The following DNAJA2 variants were observed in gnomAD, a reference collection of about 807,000 sequenced individuals.
DNAJA2 encodes the protein dnaJ homolog subfamily A member 2.
Under a neutral mutation model 49.3 loss-of-function variants are expected in DNAJA2, and 6 were observed. That is an observed-to-expected ratio of 0.12 (90% CI 0.07 to 0.24). The LOEUF (loss-of-function observed/expected upper bound fraction) is 0.24. Ranked by LOEUF, DNAJA2 falls within the 10% of genes least tolerant of loss-of-function variation. The pLI is 1.00. For synonymous variants in DNAJA2, 160 were observed against 172.7 expected (o/e 0.93, Z 0.58); for missense variants, 347 against 516.8 (o/e 0.67, Z 3.19).
Position 46,959,113 on chromosome 16 carries a change from G to C in DNAJA2, c.937C>G (p.Arg313Gly). ...VIEPGCVRVVRGEGMPQYRNP... is the reference protein window; with the variant it reads ...VIEPGCVRVVGGEGMPQYRNP... ...CGATACTGCGGCATCCCTTCACCTCGAACTACACGAACACACCCTATTATT... is the reference window on the plus strand; with the variant it reads ...CGATACTGCGGCATCCCTTCACCTCCAACTACACGAACACACCCTATTATT... The change falls in exon 8 of 9, where the codon CGA (arginine) becomes GGA (glycine). Residue 313 changes from arginine (R) to glycine (G), a missense_variant. Arg to Gly is a moderately radical substitution (Grantham distance 125). Transcript: ENST00000317089. 1 of 1,608,810 alleles carries C rather than the reference G, an allele frequency of 6.2e-7. No individual in the cohort carries two copies.
At position 46,958,148 on chromosome 16, in the gene DNAJA2, TA is replaced by T. The variant is rs1358066411; in HGVS notation, c.1047+854del. Among the ~76,000 whole-genome samples the T allele has an allele frequency of 2.0e-5, 3 of 152,058 alleles. No individual in the cohort carries two copies. The East Asian group carries it at 5.8e-4, about 29-fold the overall frequency. Reference sequence around the variant, plus strand: ...AGTCTGGACAACATAGCAACATCTCTATAAAAAGTTTTAAAAAGCATTAGCC... The same window carrying T: ...AGTCTGGACAACATAGCAACATCTCTTAAAAAGTTTTAAAAAGCATTAGCC... On this transcript the variant is annotated intron_variant, in intron 8 of 8. Transcript: ENST00000317089.
At chr16:46,972,761 T>C (rs1380307922) in intron 1 of DNAJA2, 4 of 152,238 alleles carry the variant, frequency 2.6e-5, no homozygotes, top group African/African-American at 7.2e-5. Flanking sequence ...ATGAAAGATA[T>C]CGCAGCATTG....
chr16:46,957,556 T>C (rs967525936), intron 8 of DNAJA2, among the ~76,000 whole-genome samples: 1 of 151,664 alleles, frequency 6.6e-6, no homozygotes, highest in Non-Finnish European at 1.5e-5. Context: ...TAAGCTGAGA[T>C]TGTGCCACTG....
Position 46,973,522 on chromosome 16 carries a change from G to C in DNAJA2, c.51C>G (p.Pro17=), listed in dbSNP as rs143068034. 3 of 1,602,658 alleles carry C rather than the reference G, an allele frequency of 1.9e-6. No homozygotes were observed. The highest frequency in any genetic ancestry group is 2.5e-6 in the Non-Finnish European group (3 of 1,177,540). The change falls in exon 1 of 9, where the codon CCC becomes CCG. Residue 17 remains proline, a synonymous_variant. Coordinates refer to ENST00000317089, the MANE Select transcript of DNAJA2 (RefSeq NM_005880.4). ...TKLYDILGVP[P]GASENELKKA... is the part of the protein sequence containing the mutation. The stretch of plus-strand genomic sequence containing the variant: ...TCTTCAGCTCGTTCTCGCTGGCGCC[G>C]GGCGGGACGCCCAGGATGTCGTACA...
At chr16:46,965,956 G>T (rs1961963604) in intron 5 of DNAJA2, among the ~76,000 whole-genome samples, 1 of 152,144 alleles carries the variant, frequency 6.6e-6, no homozygotes, top group African/African-American at 2.4e-5. Context: ...AAGAGTGGTG[G>T]CTAACACCTG....
chr16:46,971,607 T>C (rs750558815), intron 2 of DNAJA2, 35 bp from the exon 3 acceptor site: 1 of 1,461,270 alleles, frequency 6.8e-7, no homozygotes, highest in Non-Finnish European at 9.2e-7. Context: ...AATAATTGCA[T>C]TTTCAAGTAG....
chr16:46,961,225 C>G (rs1311415919), intron 6 of DNAJA2, among the ~76,000 whole-genome samples: 1 of 151,786 alleles, frequency 6.6e-6, no homozygotes, highest in Non-Finnish European at 1.5e-5. Flanking sequence ...ACTAAAAATA[C>G]AAAAACTAGC....
intron 6 of DNAJA2, among the ~76,000 whole-genome samples, chr16:46,963,919 A>T (rs753374439): frequency 4.6e-5 from 7 of 152,172 alleles, no homozygotes; most frequent in Non-Finnish European, 8.8e-5. Flanking sequence ...TTTCATAAAC[A>T]AAGAAACTGA....
At chr16:46,960,653 C>A (rs1292941033) in intron 6 of DNAJA2, among the ~76,000 whole-genome samples, 1 of 152,054 alleles carries the variant, frequency 6.6e-6, no homozygotes, top group Non-Finnish European at 1.5e-5. Flanking sequence ...GTGGCACGCG[C>A]CTGTAGTCCC....
chr16:46,960,902 G>C (rs1189910523), intron 6 of DNAJA2, among the ~76,000 whole-genome samples: 2 of 152,206 alleles, frequency 1.3e-5, no homozygotes, highest in East Asian at 3.9e-4. Context: ...GTTGAGGCAG[G>C]ACGATCCCTT....
chr16:46,963,507 A>G (rs1234545742), intron 6 of DNAJA2, among the ~76,000 whole-genome samples: 3 of 150,718 alleles, frequency 2.0e-5, no homozygotes, highest in Non-Finnish European at 3.0e-5. Flanking sequence ...TGTCTCTACT[A>G]AAAATACAAA....
intron 6 of DNAJA2, among the ~76,000 whole-genome samples, chr16:46,959,780 C>G (rs922289670): frequency 6.6e-6 from 1 of 152,170 alleles, no homozygotes; most frequent in South Asian, 2.1e-4. Flanking sequence ...ACAGGCTCAC[C>G]CTGGAGTGCT....
intron 1 of DNAJA2, chr16:46,972,536 G>C (rs568719028): frequency 6.5e-6 from 1 of 153,868 alleles, no homozygotes; most frequent in East Asian, 1.9e-4. Context: ...TCTCAACGAG[G>C]TGTTTGGGTC....
Position 46,956,862 on chromosome 16 carries a change from G to A in DNAJA2, c.*167C>T. On this transcript the variant is annotated 3_prime_UTR_variant, in exon 9 of 9. Transcript: ENST00000317089. ...ATGAAGATGTAAAGCTTTGTGGTTA[G>A]TTTAAATTATACACTCTGTAGATAC... is the stretch of plus-strand genomic sequence containing the variant. 4.1e-6 allele frequency: 3 copies of A among 723,716 alleles called. No individual in the cohort carries two copies. The highest frequency in any genetic ancestry group is 7.0e-6 in the Non-Finnish European group (3 of 428,628). 44.8% of individuals were successfully genotyped at this position (723,716 alleles called of 1,614,324 possible).
Position 46,956,872 on chromosome 16 carries a change from T to C in DNAJA2, c.*157A>G, listed in dbSNP as rs192293812. 465 of 759,182 alleles carry C rather than the reference T, an allele frequency of 6.1e-4. 7 individuals carry two copies. In the Admixed American group the frequency reaches 9.1e-3, roughly 15 times the overall value. 47.0% of individuals were successfully genotyped at this position (759,182 alleles called of 1,614,324 possible). A position where few individuals can be genotyped will look rare whatever the true frequency, so the allele number is the denominator to read the frequency against. On this transcript the variant is annotated 3_prime_UTR_variant, in exon 9 of 9. Transcript: ENST00000317089. The stretch of plus-strand genomic sequence containing the variant: ...AAAGCTTTGTGGTTAGTTTAAATTA[T>C]ACACTCTGTAGATACTATACCAATT...
At chr16:46,968,282 C>T (rs1962002396) in intron 3 of DNAJA2, 118 bp from the exon 4 acceptor site, 4 of 626,336 alleles carry the variant, frequency 6.4e-6, no homozygotes, top group Non-Finnish European at 8.3e-6. Flanking sequence ...TTCAAAAACA[C>T]CTCATAATCT....
intron 1 of DNAJA2, among the ~76,000 whole-genome samples, chr16:46,973,277 C>A (rs1488351132): frequency 6.6e-6 from 1 of 151,538 alleles, no homozygotes; most frequent in East Asian, 1.9e-4. Context: ...TTTGCTGCAT[C>A]TGCGGGCGGG....
intron 1 of DNAJA2, chr16:46,972,188 G>T: frequency 2.1e-6 from 1 of 475,804 alleles, no homozygotes. Flanking sequence ...GTGAAAACCA[G>T]ATAAAACAAT....
rs147436108 is a variant in DNAJA2, at chr16:46,968,450, G to A, written c.363-286C>T. Among the ~76,000 whole-genome samples, 399 of 152,270 alleles carry A rather than the reference G, an allele frequency of 2.6e-3. 1 individual carries two copies. The highest frequency in any genetic ancestry group is 6.1e-3 in the Admixed American group (93 of 15,300). On this transcript the variant is annotated intron_variant, in intron 3 of 8. Coordinates refer to ENST00000317089, the MANE Select transcript of DNAJA2 (RefSeq NM_005880.4). ...AATTTCTGATAAAGCTGATGACTTC[G>A]CAAACTCAAATATCACAACCTTCTG...
Sources: gnomAD v4.1 joint callset for allele counts (sites outside exome capture counted in the v4.1 genomes callset) on GRCh38, gnomAD v4.1.1 for gene constraint, MANE v1.5 for transcripts, NCBI Gene and HGNC (gene_info 2026-07-23, HGNC 2026-07-21) for gene names.